Variants in C1D observed in about 807,000 individuals in gnomAD.
C1D encodes nuclear nucleic acid-binding protein C1D.
C1D carries 10 observed loss-of-function variants against 17.5 expected under a neutral mutation model. The ratio of observed to expected loss-of-function variants is 0.57; its 90% CI spans 0.35 to 0.97. The LOEUF (loss-of-function observed/expected upper bound fraction) is 0.97, where lower values mean the gene tolerates loss of function less well. C1D is among the 50% of genes least tolerant of loss of function. The probability of loss-of-function intolerance (pLI) is 0.01; values close to 1 mark genes in which losing one functional copy is unlikely to be tolerated. For missense variants in C1D, 136 were observed against 160.1 expected, an observed-to-expected ratio of 0.85 and a Z score of 0.81; for synonymous variants, 49 against 54.0, an observed-to-expected ratio of 0.91 and a Z score of 0.40.
chr2:68,055,982 A>C (rs1225896024), intron 1 of C1D, among the ~76,000 whole-genome samples: 1 of 152,220 alleles, frequency 6.6e-6, no homozygotes, highest in East Asian at 1.9e-4. Context: ...TTCCAAATAT[A>C]ACTGGAGTGA....
intron 1 of C1D, among the ~76,000 whole-genome samples, chr2:68,054,116 CCCAAGACAGTT>C (rs1057142820): frequency 1.1e-4 from 17 of 152,198 alleles, no homozygotes; most frequent in African/African-American, 3.4e-4. Flanking sequence ...TCTCAATTTG[CCCAAGACAGTT>C]CCACCTTACG....
At chr2:68,052,402 CTT>C (rs1558583590) in intron 1 of C1D, among the ~76,000 whole-genome samples, 63 of 151,050 alleles carry the variant, frequency 4.2e-4, no homozygotes, top group African/African-American at 1.4e-3. Flanking sequence ...AATAAAGGCA[CTT>C]AATAAAGTAT....
intron 1 of C1D, among the ~76,000 whole-genome samples, chr2:68,061,419 T>C (rs952267149): frequency 6.6e-6 from 1 of 152,200 alleles, no homozygotes; most frequent in African/African-American, 2.4e-5. Flanking sequence ...GGAGAGTATA[T>C]AAATTACGAG....
intron 1 of C1D, chr2:68,053,399 C>A: frequency 1.8e-6 from 1 of 542,336 alleles, no homozygotes; most frequent in Non-Finnish European, 3.1e-6. Context: ...TTCAGGGTGG[C>A]CAATCCAGGC....
intron 1 of C1D, among the ~76,000 whole-genome samples, chr2:68,062,374 G>A (rs1021361098): frequency 1.3e-5 from 2 of 152,172 alleles, no homozygotes. Flanking sequence ...TTTGAAACAA[G>A]TTTGAGTTAC....
chr2:68,057,805 C>G (rs961582602), intron 1 of C1D, among the ~76,000 whole-genome samples: 4 of 152,146 alleles, frequency 2.6e-5, no homozygotes, highest in Non-Finnish European at 4.4e-5. Flanking sequence ...CTGTTACATT[C>G]AAAGAACCAT....
At chr2:68,050,890 T>C (rs1335824053) in intron 1 of C1D, among the ~76,000 whole-genome samples, 1 of 152,198 alleles carries the variant, frequency 6.6e-6, no homozygotes, top group Non-Finnish European at 1.5e-5. Context: ...TACTGCAGTT[T>C]TCATCATTTC....
At chr2:68,062,679 T>G (rs1671670014) in intron 1 of C1D, among the ~76,000 whole-genome samples, 1 of 152,078 alleles carries the variant, frequency 6.6e-6, no homozygotes, top group African/African-American at 2.4e-5. Context: ...AGGGGGTGGT[T>G]AACAAACGAA....
chr2:68,045,244 G>C (rs897687298), intron 4 of C1D, among the ~76,000 whole-genome samples: 4 of 152,082 alleles, frequency 2.6e-5, no homozygotes, highest in Admixed American at 2.6e-4. Context: ...AATGTCAAGT[G>C]TATTTCATAT....
intron 3 of C1D, 32 bp downstream of exon 3, chr2:68,046,312 C>T: frequency 6.7e-7 from 1 of 1,482,156 alleles, no homozygotes; most frequent in Non-Finnish European, 9.4e-7. Flanking sequence ...AAGTAATTTG[C>T]TTTCTAATTA....
At position 68,052,525 on chromosome 2, in the gene C1D, G is replaced by A. The variant is rs545786988; in HGVS notation, c.-9-5206C>T. On this transcript the variant is annotated intron_variant, in intron 1 of 4. Transcript: ENST00000410067. ...TACGAGAAAATATTTCCTTTCTTCA[G>A]AAGAACATAGTAGAGATTTTTCCTG... is the stretch of plus-strand genomic sequence containing the variant. Among the ~76,000 whole-genome samples the A allele has an allele frequency of 2.1e-4, 32 of 152,136 alleles. No homozygotes were observed. In the South Asian group the frequency reaches 2.7e-3, roughly 13 times the overall value.
intron 1 of C1D, among the ~76,000 whole-genome samples, chr2:68,057,856 C>T (rs543408784): frequency 2.0e-5 from 3 of 152,258 alleles, no homozygotes; most frequent in African/African-American, 4.8e-5. Context: ...AGCCACCAGG[C>T]GGCTATTTTC....
chr2:68,042,851 A>AG lies in C1D; in HGVS notation c.*37_*38insC. 3.4e-6 allele frequency: 1 copy of AG among 293,760 alleles called. No homozygotes were observed. Among genetic ancestry groups the AG allele is most frequent in the Non-Finnish European group, 6.1e-6 (1 of 163,868 alleles). The allele number at this position is 293,760 out of a possible 1,614,324, so 18.2% of individuals were successfully genotyped here. A position where few individuals can be genotyped will look rare whatever the true frequency, so the allele number is the denominator to read the frequency against. ...TGCGGGGGGGGGGGGGGGGGGGAAGATGTACTTTTTGAATATGTGTACATC... is the reference window on the plus strand; with the variant it reads ...TGCGGGGGGGGGGGGGGGGGGGAAGAGTGTACTTTTTGAATATGTGTACATC... On this transcript the variant is annotated 3_prime_UTR_variant, in exon 5 of 5. Coordinates refer to ENST00000410067, the MANE Select transcript of C1D (RefSeq NM_173177.3).
intron 1 of C1D, among the ~76,000 whole-genome samples, chr2:68,052,187 T>C (rs976004376): frequency 2.0e-5 from 3 of 152,092 alleles, no homozygotes; most frequent in African/African-American, 7.2e-5. Context: ...ATAATGTGCC[T>C]AATATATGCC....
intron 1 of C1D, among the ~76,000 whole-genome samples, chr2:68,060,234 G>A (rs1671579826): frequency 6.6e-6 from 1 of 152,204 alleles, no homozygotes; most frequent in Non-Finnish European, 1.5e-5. Context: ...AGCCAGTTAA[G>A]ATGTTATCAT....
chr2:68,052,932 C>A, intron 1 of C1D: 1 of 1,237,616 alleles, frequency 8.1e-7, no homozygotes, highest in Non-Finnish European at 1.1e-6. Context: ...ATGTGCCAGG[C>A]ACTACTCTAA....
rs563827931 is a variant in C1D, at chr2:68,051,467, G to C, written c.-9-4148C>G. Among the ~76,000 whole-genome samples, 3 of 152,052 alleles carry C rather than the reference G, an allele frequency of 2.0e-5. No homozygotes were observed. In the East Asian group the frequency reaches 5.8e-4, roughly 29 times the overall value. On this transcript the variant is annotated intron_variant, in intron 1 of 4. Transcript: ENST00000410067. ...GAGCCTAGGAGTTCAAGACCAACTTGGGCAACACAGCAAGACCCCAACTCT... is the reference window on the plus strand; with the variant it reads ...GAGCCTAGGAGTTCAAGACCAACTTCGGCAACACAGCAAGACCCCAACTCT...
chr2:68,051,476 A>G (rs1178055549), intron 1 of C1D, among the ~76,000 whole-genome samples: 2 of 152,194 alleles, frequency 1.3e-5, no homozygotes, highest in East Asian at 1.9e-4. Context: ...TGGGCAACAC[A>G]GCAAGACCCC....
At chr2:68,061,810 A>G (rs2103821676) in intron 1 of C1D, among the ~76,000 whole-genome samples, 1 of 152,360 alleles carries the variant, frequency 6.6e-6, no homozygotes, top group African/African-American at 2.4e-5. Context: ...AAAAGGTAAA[A>G]GCAGTTAAGA....
Sources: gnomAD v4.1 joint callset for allele counts (sites outside exome capture counted in the v4.1 genomes callset) on GRCh38, gnomAD v4.1.1 for gene constraint, MANE v1.5 for transcripts, NCBI Gene and HGNC (gene_info 2026-07-23, HGNC 2026-07-21) for gene names.